WDFY3: variants seen among roughly 807,000 people sequenced by gnomAD.
WDFY3 encodes the protein WD repeat and FYVE domain containing 3.
A neutral mutation model predicts 409.6 loss-of-function variants in WDFY3; 66 were observed. The ratio of observed to expected loss-of-function variants is 0.16; its 90% CI spans 0.13 to 0.20. The LOEUF (loss-of-function observed/expected upper bound fraction) is 0.20. Ranked by LOEUF, WDFY3 falls within the 10% of genes least tolerant of loss-of-function variation. The pLI, the probability that WDFY3 is intolerant of heterozygous loss-of-function variation, is 1.00. For synonymous variants in WDFY3, 1,521 were observed against 1,537.1 expected (o/e 0.99, Z 0.25); for missense variants, 3,031 against 4,298.1 (o/e 0.71, Z 8.24).
At chr4:84,689,070 G>A (rs549560697) in intron 61 of WDFY3, among the ~76,000 whole-genome samples, 4 of 152,196 alleles carry the variant, frequency 2.6e-5, no homozygotes, top group East Asian at 1.9e-4. Flanking sequence ...TTCATCTGCC[G>A]CCTTCCACAC....
At chr4:84,710,760 A>T (rs2148997998) in intron 51 of WDFY3, among the ~76,000 whole-genome samples, 1 of 152,354 alleles carries the variant, frequency 6.6e-6, no homozygotes, top group Non-Finnish European at 1.5e-5. Context: ...CACAGGCAGT[A>T]GCAAGAACAA....
intron 21 of WDFY3, among the ~76,000 whole-genome samples, chr4:84,792,072 C>T (rs1360410346): frequency 6.6e-6 from 1 of 151,944 alleles, no homozygotes; most frequent in African/African-American, 2.4e-5. Context: ...ACTGCATGTA[C>T]AAACAAGTAA....
chr4:84,703,703 G>A (rs1017347795), intron 55 of WDFY3, among the ~76,000 whole-genome samples: 1 of 152,046 alleles, frequency 6.6e-6, no homozygotes, highest in Non-Finnish European at 1.5e-5. Context: ...TTTTTCACAG[G>A]AGACCTACTC....
At chr4:84,959,516 G>C (rs1359056412) in intron 1 of WDFY3, among the ~76,000 whole-genome samples, 5 of 152,104 alleles carry the variant, frequency 3.3e-5, no homozygotes, top group Non-Finnish European at 7.4e-5. Context: ...TAAACATTTA[G>C]AAGATAAAAA....
chr4:84,896,438 A>G (rs1765649959), intron 3 of WDFY3, among the ~76,000 whole-genome samples: 1 of 152,022 alleles, frequency 6.6e-6, no homozygotes, highest in African/African-American at 2.4e-5. Context: ...GTTGTTTTCT[A>G]TTTTTCCAAG....
chr4:84,759,363 G>C (rs1307298154), intron 32 of WDFY3, among the ~76,000 whole-genome samples: 2 of 152,106 alleles, frequency 1.3e-5, no homozygotes, highest in Non-Finnish European at 2.9e-5. Context: ...AGCTTGATGG[G>C]GATGGCATTG....
intron 4 of WDFY3, among the ~76,000 whole-genome samples, chr4:84,854,109 G>A (rs1220467320): frequency 2.0e-5 from 3 of 152,124 alleles, no homozygotes; most frequent in African/African-American, 7.2e-5. Context: ...AGGTTGTCAG[G>A]AAAGGTCTTT....
At chr4:84,957,525 A>G (rs1774393111) in intron 1 of WDFY3, among the ~76,000 whole-genome samples, 1 of 152,206 alleles carries the variant, frequency 6.6e-6, no homozygotes, top group Non-Finnish European at 1.5e-5. Context: ...GAAGGTTCAA[A>G]GACGTGAAGG....
chr4:84,890,409 C>T (rs1027984525), intron 3 of WDFY3, among the ~76,000 whole-genome samples: 1 of 152,152 alleles, frequency 6.6e-6, no homozygotes, highest in African/African-American at 2.4e-5. Context: ...CTTGCCCAAG[C>T]TTTGAAAAGG....
At chr4:84,941,662 T>A (rs888639088) in intron 1 of WDFY3, among the ~76,000 whole-genome samples, 1 of 152,064 alleles carries the variant, frequency 6.6e-6, no homozygotes, top group Non-Finnish European at 1.5e-5. Context: ...ACTTTCGTTT[T>A]TGGAAATCAA....
chr4:84,732,414 C>T (rs1167195563), intron 44 of WDFY3, among the ~76,000 whole-genome samples: 2 of 152,110 alleles, frequency 1.3e-5, no homozygotes, highest in Non-Finnish European at 2.9e-5. Flanking sequence ...GTACTCTTAG[C>T]AATTTTGAAA....
chr4:84,733,737 T>C, intron 43 of WDFY3, 128 bp from the exon 44 acceptor site: 1 of 900,466 alleles, frequency 1.1e-6, no homozygotes, highest in South Asian at 1.7e-5. Flanking sequence ...GTTAACATTA[T>C]AAAAGTAAAA....
At chr4:84,795,881 A>C (rs906414959) in intron 19 of WDFY3, among the ~76,000 whole-genome samples, 5 of 152,032 alleles carry the variant, frequency 3.3e-5, no homozygotes, top group African/African-American at 1.2e-4. Flanking sequence ...TTTTAGATTC[A>C]TTATTGCCAT....
At chr4:84,679,658 G>A (rs936670648) in intron 64 of WDFY3, among the ~76,000 whole-genome samples, 6 of 151,976 alleles carry the variant, frequency 3.9e-5, no homozygotes, top group Non-Finnish European at 7.4e-5. Context: ...TGTGGGTTCC[G>A]ATGTCACCTA....
chr4:84,717,919 G>A (rs1734209262), intron 48 of WDFY3, among the ~76,000 whole-genome samples: 1 of 151,636 alleles, frequency 6.6e-6, no homozygotes, highest in Admixed American at 6.6e-5. Context: ...GTGGTGGCGG[G>A]CGCCTGTAGT....
At chr4:84,692,267 A>C (rs1223670415) in intron 59 of WDFY3, among the ~76,000 whole-genome samples, 1 of 152,222 alleles carries the variant, frequency 6.6e-6, no homozygotes, top group Non-Finnish European at 1.5e-5. Context: ...AATCGCCAAC[A>C]GTGACTGACG....
intron 10 of WDFY3, among the ~76,000 whole-genome samples, chr4:84,826,274 T>C (rs187506959): frequency 6.6e-6 from 1 of 152,336 alleles, no homozygotes; most frequent in Admixed American, 6.5e-5. Flanking sequence ...AGCATTTACA[T>C]TGTATTTGGT....
At chr4:84,751,890 A>G (rs538985832) in intron 35 of WDFY3, among the ~76,000 whole-genome samples, 174 bp from the exon 36 acceptor site, 6 of 152,320 alleles carry the variant, frequency 3.9e-5, no homozygotes, top group Non-Finnish European at 7.4e-5. Context: ...ATCTGGCACC[A>G]TATGTCATGG....
At chr4:84,954,779 A>G (rs1774035208) in intron 1 of WDFY3, among the ~76,000 whole-genome samples, 1 of 152,242 alleles carries the variant, frequency 6.6e-6, no homozygotes, top group African/African-American at 2.4e-5. Flanking sequence ...GTAATGTTTT[A>G]TAGCTGCTTA....
Sources: allele counts gnomAD v4.1 joint callset (sites outside exome capture counted in the v4.1 genomes callset), GRCh38; gene constraint gnomAD v4.1.1; transcripts MANE v1.5; gene names NCBI Gene and HGNC (gene_info 2026-07-23, HGNC 2026-07-21).